Variants in PDE3A observed in about 807,000 individuals in gnomAD.
PDE3A encodes phosphodiesterase 3A.
A neutral mutation model predicts 98.3 loss-of-function variants in PDE3A; 43 were observed. The ratio of observed to expected loss-of-function variants is 0.44; its 90% CI spans 0.34 to 0.56. The LOEUF (loss-of-function observed/expected upper bound fraction) is 0.56. PDE3A is among the 20% of genes least tolerant of loss of function. PDE3A has a pLI of 0.01. For missense variants in PDE3A, 1,427 were observed against 1,440.7 expected, an observed-to-expected ratio of 0.99 and a Z score of 0.15; for synonymous variants, 663 against 567.9, an observed-to-expected ratio of 1.17 and a Z score of -2.38.
At chr12:20,462,139 A>G (rs769759989) in intron 1 of PDE3A, among the ~76,000 whole-genome samples, 1 of 152,168 alleles carries the variant, frequency 6.6e-6, no homozygotes, top group Non-Finnish European at 1.5e-5. Context: ...CTTCTCATTG[A>G]CAAGTAATTA....
intron 2 of PDE3A, among the ~76,000 whole-genome samples, chr12:20,594,061 A>ATAT (rs1312145009): frequency 3.3e-5 from 5 of 152,162 alleles, no homozygotes; most frequent in African/African-American, 1.2e-4. Context: ...TTTGATTAAG[A>ATAT]TATTTATTAA....
At chr12:20,614,063 C>CTGTT (rs1943937817) in intron 3 of PDE3A, among the ~76,000 whole-genome samples, 1 of 152,144 alleles carries the variant, frequency 6.6e-6, no homozygotes, top group African/African-American at 2.4e-5. Context: ...AGTGCAGATT[C>CTGTT]TGTTTAAAAT....
chr12:20,598,153 C>A (rs1943509013), intron 2 of PDE3A, among the ~76,000 whole-genome samples: 1 of 151,380 alleles, frequency 6.6e-6, no homozygotes, highest in South Asian at 2.1e-4. Flanking sequence ...ATGAAATTTA[C>A]TGACTTTTAT....
At chr12:20,660,046 C>T (rs34751102) in intron 15 of PDE3A, among the ~76,000 whole-genome samples, 8,205 of 152,076 alleles carry the variant, frequency 0.054, 267 homozygotes, top group African/African-American at 0.082. Flanking sequence ...CCCCATGTGT[C>T]GTGGGAGGGA....
intron 1 of PDE3A, among the ~76,000 whole-genome samples, chr12:20,524,416 G>C (rs969198136): frequency 2.0e-5 from 3 of 152,024 alleles, no homozygotes; most frequent in African/African-American, 7.3e-5. Flanking sequence ...TTATCTTCTA[G>C]AATGTGACAA....
chr12:20,552,038 T>G lies in PDE3A; in HGVS notation c.961-4622T>G. ...CTGGCGGGGGGCTACGAGGATGACG[T>G]GGACCATGGGAATTTTTTCACATAC... On this transcript the variant is annotated intron_variant, in intron 1 of 15. Transcript: ENST00000359062. The surrounding 1 kb of genome is among the most constrained non-coding windows in gnomAD (Gnocchi z 5.1). 3.1e-6 allele frequency: 5 copies of G among 1,612,344 alleles called. No homozygotes were observed. In the South Asian group the frequency reaches 5.5e-5, roughly 18 times the overall value.
intron 6 of PDE3A, among the ~76,000 whole-genome samples, chr12:20,630,651 GA>G (rs1382505191): frequency 6.6e-6 from 1 of 152,086 alleles, no homozygotes; most frequent in Non-Finnish European, 1.5e-5. Context: ...CTATCATGTT[GA>G]AACAAAATTA....
At chr12:20,401,134 C>T (rs964762266) in intron 1 of PDE3A, among the ~76,000 whole-genome samples, 2 of 152,016 alleles carry the variant, frequency 1.3e-5, no homozygotes, top group Admixed American at 6.6e-5. Context: ...TCCTTCTTTC[C>T]GTTTTCTACT....
At chr12:20,671,698 T>A (rs1267791868) in intron 15 of PDE3A, among the ~76,000 whole-genome samples, 57 of 145,558 alleles carry the variant, frequency 3.9e-4, no homozygotes, top group African/African-American at 1.4e-3. Flanking sequence ...TGGGACATAT[T>A]TCAAAATAAT....
chr12:20,441,597 G>A (rs1944872145), intron 1 of PDE3A, among the ~76,000 whole-genome samples: 1 of 152,146 alleles, frequency 6.6e-6, no homozygotes. Flanking sequence ...CTAATATGTG[G>A]CAGCAGATGA....
At chr12:20,551,979 T>C (rs564643835) in intron 1 of PDE3A, 7 of 1,612,722 alleles carry the variant, frequency 4.3e-6, no homozygotes, top group East Asian at 4.5e-5. Context: ...CTGGCATCCA[T>C]GGCCGGAGCA....
intron 1 of PDE3A, among the ~76,000 whole-genome samples, chr12:20,425,856 T>G (rs1243509136): frequency 2.6e-5 from 4 of 152,212 alleles, no homozygotes; most frequent in African/African-American, 4.8e-5. Context: ...AACCTGGTTT[T>G]AAATCCTGGC....
chr12:20,527,122 T>C (rs1273088505), intron 1 of PDE3A, among the ~76,000 whole-genome samples: 2 of 152,156 alleles, frequency 1.3e-5, no homozygotes, highest in Non-Finnish European at 2.9e-5. Flanking sequence ...TTTCACCATG[T>C]TGGCCAGGCT....
rs1942249158 is a variant in PDE3A, at chr12:20,552,758, C to T, written c.961-3902C>T. ...AAGGACCGGCCGGCGAGCGGCAGCC[C>T]GTTCCAGTTGTTCCTGAGTAAAGTG... On this transcript the variant is annotated intron_variant, in intron 1 of 15. Coordinates refer to ENST00000359062, the MANE Select transcript of PDE3A (RefSeq NM_000921.5). This position sits in a 1 kb window ranked among gnomAD's most constrained non-coding sequence, Gnocchi z 5.1. 10 of 1,613,922 alleles carry T rather than the reference C, an allele frequency of 6.2e-6. No individual in the cohort carries two copies. In the Admixed American group the frequency reaches 6.7e-5, roughly 11 times the overall value.
chr12:20,652,180 T>G (rs977319498), intron 14 of PDE3A, among the ~76,000 whole-genome samples: 1 of 152,202 alleles, frequency 6.6e-6, no homozygotes, highest in African/African-American at 2.4e-5. Flanking sequence ...GTTGGACATT[T>G]GGGTTGGTTC....
Position 20,687,297 on chromosome 12 carries a change from T to C in PDE3A, c.*7026T>C, listed in dbSNP as rs564431164. On this transcript the variant is annotated 3_prime_UTR_variant, in exon 16 of 16. Transcript: ENST00000359062. Reference sequence around the variant, plus strand: ...ACTCCATCTTATATCAGCGATGATTTCATTTTAACTATTTATAAGGATAAT... The same window carrying C: ...ACTCCATCTTATATCAGCGATGATTCCATTTTAACTATTTATAAGGATAAT... Among the ~76,000 whole-genome samples, 1 of 152,226 alleles carries C rather than the reference T, an allele frequency of 6.6e-6. No homozygotes were observed. Among genetic ancestry groups the C allele is most frequent in the South Asian group, 2.1e-4 (1 of 4,826 alleles).
chr12:20,384,593 CA>C (rs1943717568), intron 1 of PDE3A, among the ~76,000 whole-genome samples: 2 of 151,856 alleles, frequency 1.3e-5, no homozygotes, highest in Admixed American at 1.3e-4. Context: ...TGTAGGTAAA[CA>C]TATACTATGG....
chr12:20,547,035 G>A (rs1942077536), intron 1 of PDE3A, among the ~76,000 whole-genome samples: 1 of 151,996 alleles, frequency 6.6e-6, no homozygotes, highest in African/African-American at 2.4e-5. Context: ...ATGCTTTGCT[G>A]CTCCTAAGGT....
chr12:20,648,254 G>C (rs146545804), intron 12 of PDE3A, among the ~76,000 whole-genome samples: 175 of 150,862 alleles, frequency 1.2e-3, no homozygotes, highest in African/African-American at 4.1e-3. Flanking sequence ...ACCTCTTGAG[G>C]TATTGTGGCA....
Sources: allele counts gnomAD v4.1 joint callset (sites outside exome capture counted in the v4.1 genomes callset), GRCh38; gene constraint gnomAD v4.1.1; non-coding constraint Gnocchi (gnomAD v3.1); transcripts MANE v1.5; gene names NCBI Gene and HGNC (gene_info 2026-07-23, HGNC 2026-07-21).